The following TRIM37 variants were observed in gnomAD, a reference collection of about 807,000 sequenced individuals.
TRIM37 encodes the protein E3 ubiquitin-protein ligase TRIM37.
In TRIM37, 80 loss-of-function variants were observed where a neutral mutation model predicts 129.8. The ratio of observed to expected loss-of-function variants is 0.62; its 90% CI spans 0.51 to 0.74. The LOEUF (loss-of-function observed/expected upper bound fraction) is 0.74. Among genes scored for constraint, TRIM37 ranks in the 30% least tolerant of loss-of-function variants. The probability of loss-of-function intolerance (pLI) is 0.00; values close to 1 mark genes in which losing one functional copy is unlikely to be tolerated. For missense variants in TRIM37, 1,054 were observed against 1,176.5 expected (o/e 0.90, Z 1.52); for synonymous variants, 389 against 387.1 (o/e 1.00, Z -0.06).
At chr17:59,088,225 A>G in intron 4 of TRIM37, 66 bp downstream of exon 4, 1 of 973,562 alleles carries the variant, frequency 1.0e-6, no homozygotes, top group East Asian at 2.4e-5. Flanking sequence ...AACTACCAAT[A>G]TAGTGTCATT....
chr17:59,046,023 A>G (rs2039762599), intron 16 of TRIM37, among the ~76,000 whole-genome samples: 1 of 152,190 alleles, frequency 6.6e-6, no homozygotes, highest in African/African-American at 2.4e-5. Flanking sequence ...CTCAAAAAAA[A>G]AAAATTATCC....
intron 13 of TRIM37, among the ~76,000 whole-genome samples, chr17:59,052,044 C>T (rs1455575550): frequency 1.3e-5 from 2 of 152,040 alleles, no homozygotes; most frequent in African/African-American, 4.8e-5. Flanking sequence ...CAAGGAGTTA[C>T]ATGCTCTAAA....
chr17:59,067,230 C>G (rs1018274055), intron 9 of TRIM37, among the ~76,000 whole-genome samples: 7 of 152,144 alleles, frequency 4.6e-5, no homozygotes, highest in Non-Finnish European at 1.0e-4. Flanking sequence ...TTCAATCATA[C>G]TGATGTTATC....
chr17:59,032,627 A>G (rs1457541729), intron 17 of TRIM37, among the ~76,000 whole-genome samples: 1 of 152,080 alleles, frequency 6.6e-6, no homozygotes, highest in Non-Finnish European at 1.5e-5. Context: ...AGAATTCAGA[A>G]GCAAGCCTCA....
chr17:59,051,793 G>C (rs2040375132), intron 13 of TRIM37, among the ~76,000 whole-genome samples: 1 of 151,584 alleles, frequency 6.6e-6, no homozygotes, highest in Admixed American at 6.6e-5. Context: ...TGCAGTGGCG[G>C]GATCTCGGCT....
At chr17:59,019,133 C>T (rs982452591) in intron 19 of TRIM37, among the ~76,000 whole-genome samples, 1 of 152,150 alleles carries the variant, frequency 6.6e-6, no homozygotes, top group Non-Finnish European at 1.5e-5. Flanking sequence ...TGCCATGTAA[C>T]CCATTAATTC....
chr17:59,067,080 C>T (rs2041973723), intron 9 of TRIM37, among the ~76,000 whole-genome samples: 1 of 152,134 alleles, frequency 6.6e-6, no homozygotes, highest in South Asian at 2.1e-4. Context: ...CGCTCTGTCA[C>T]ACAGGCTGGA....
At chr17:59,076,182 T>C (rs1280318176) in intron 7 of TRIM37, among the ~76,000 whole-genome samples, 1 of 152,038 alleles carries the variant, frequency 6.6e-6, no homozygotes, top group Non-Finnish European at 1.5e-5. Context: ...TACAAGGACC[T>C]GTTTAAAAAA....
chr17:59,093,733 G>T (rs1264716675), intron 2 of TRIM37, among the ~76,000 whole-genome samples: 1 of 152,046 alleles, frequency 6.6e-6, no homozygotes, highest in Non-Finnish European at 1.5e-5. Context: ...TAACACTGTC[G>T]ATATATCTGT....
intron 14 of TRIM37, among the ~76,000 whole-genome samples, chr17:59,049,845 A>G (rs1244788714): frequency 3.9e-5 from 6 of 152,038 alleles, no homozygotes; most frequent in Non-Finnish European, 8.8e-5. Flanking sequence ...TTTATTTATA[A>G]AAAAAAATTG....
At chr17:59,053,578 T>G (rs539023849) in intron 13 of TRIM37, among the ~76,000 whole-genome samples, 2 of 152,314 alleles carry the variant, frequency 1.3e-5, no homozygotes, top group African/African-American at 4.8e-5. Context: ...AAAAATGATG[T>G]CATAACAGGA....
Position 59,075,335 on chromosome 17 carries a change from G to A in TRIM37, c.684+312C>T, listed in dbSNP as rs549332821. ...TCCCAGCAGCTTGGGAGGCTGAGGC[G>A]GGCAGATCACCAGGTCAGGAGATCG... is the stretch of plus-strand genomic sequence containing the variant. On this transcript the variant is annotated intron_variant, in intron 8 of 23. Transcript: ENST00000262294. Among the ~76,000 whole-genome samples the A allele has an allele frequency of 9.9e-5, 15 of 151,950 alleles. No individual in the cohort carries two copies. In the South Asian group the frequency reaches 1.7e-3, roughly 17 times the overall value.
At chr17:59,086,693 G>C (rs948482568) in intron 4 of TRIM37, among the ~76,000 whole-genome samples, 17 of 152,162 alleles carry the variant, frequency 1.1e-4, no homozygotes, top group African/African-American at 3.9e-4. Context: ...GGTACTGTTT[G>C]GAAGCTCATT....
downstream of TRIM37, among the ~76,000 whole-genome samples, chr17:58,979,620 G>A (rs970021422): frequency 6.6e-6 from 1 of 152,174 alleles, no homozygotes; most frequent in Non-Finnish European, 1.5e-5. Context: ...AATCAACCAT[G>A]TCTTCCTACA....
At chr17:59,060,735 T>C (rs1478017192) in intron 12 of TRIM37, among the ~76,000 whole-genome samples, 1 of 152,190 alleles carries the variant, frequency 6.6e-6, no homozygotes, top group Non-Finnish European at 1.5e-5. Context: ...ATTTCATACA[T>C]GTATTTCAAT....
chr17:59,090,904 G>C (rs957477113), intron 3 of TRIM37, among the ~76,000 whole-genome samples: 1 of 152,072 alleles, frequency 6.6e-6, no homozygotes, highest in Non-Finnish European at 1.5e-5. Flanking sequence ...GGGATTACAG[G>C]TATGAGCGAG....
chr17:59,106,044 G>C lies in TRIM37; in HGVS notation c.21+397C>G, dbSNP rs112581872. ...AGAAGCCTGCAAAATGTGCCACTGA[G>C]AGGGAAAGATGACTATCCATTTGGA... On this transcript the variant is annotated intron_variant, in intron 1 of 23. Coordinates refer to ENST00000262294, the MANE Select transcript of TRIM37 (RefSeq NM_015294.6). 1.3e-3 allele frequency among the ~76,000 whole-genome samples: 194 copies of C among 152,340 alleles called. 2 individuals carry two copies. The Middle Eastern group carries it at 0.017, about 13-fold the overall frequency.
At chr17:58,997,975 T>G (rs1339725629), downstream of TRIM37, among the ~76,000 whole-genome samples, 1 of 152,208 alleles carries the variant, frequency 6.6e-6, no homozygotes, top group East Asian at 1.9e-4. Context: ...TTTCCTGTCC[T>G]AAAAGCAAAC....
intron 18 of TRIM37, among the ~76,000 whole-genome samples, chr17:59,029,818 T>G (rs1334226685): frequency 6.6e-6 from 1 of 152,072 alleles, no homozygotes; most frequent in Admixed American, 6.5e-5. Context: ...AAACAAAAAA[T>G]GACCCAAGCA....
Sources: allele counts gnomAD v4.1 joint callset (sites outside exome capture counted in the v4.1 genomes callset), GRCh38; gene constraint gnomAD v4.1.1; transcripts MANE v1.5; gene names NCBI Gene and HGNC (gene_info 2026-07-23, HGNC 2026-07-21).